Variants in TMEM123 observed in about 807,000 individuals in gnomAD.
TMEM123 encodes the protein porimin.
In TMEM123, 16 loss-of-function variants were observed where a neutral mutation model predicts 19.7. The observed-to-expected ratio is 0.81, with a 90% CI of 0.55 to 1.23. TMEM123 has a LOEUF of 1.23. TMEM123 is among the 50% of genes most tolerant of loss of function. The pLI is 0.00. For synonymous variants in TMEM123, 118 were observed against 99.4 expected (o/e 1.19, Z -1.12); for missense variants, 313 against 257.8 (o/e 1.21, Z -1.47).
intron 2 of TMEM123, among the ~76,000 whole-genome samples, chr11:102,422,750 ATTATGT>A (rs1474611865): frequency 2.0e-5 from 3 of 152,150 alleles, no homozygotes; most frequent in Admixed American, 2.0e-4. Flanking sequence ...TGCACTCAAT[ATTATGT>A]TTATGAATTT....
intron 2 of TMEM123, among the ~76,000 whole-genome samples, chr11:102,438,979 C>T (rs1857795297): frequency 6.6e-6 from 1 of 152,210 alleles, no homozygotes. Context: ...CCCACGAAGC[C>T]TTGCTCACTG....
intron 2 of TMEM123, among the ~76,000 whole-genome samples, chr11:102,421,144 A>ACCT (rs1342577966): frequency 1.3e-5 from 2 of 152,116 alleles, no homozygotes; most frequent in Admixed American, 1.3e-4. Flanking sequence ...TATTTTATAA[A>ACCT]CCTCCACTGG....
At chr11:102,407,823 C>T (rs1214516491) in intron 2 of TMEM123, among the ~76,000 whole-genome samples, 1 of 152,158 alleles carries the variant, frequency 6.6e-6, no homozygotes, top group African/African-American at 2.4e-5. Flanking sequence ...CTCCAGCCTC[C>T]CGAACTGTGA....
intron 2 of TMEM123, among the ~76,000 whole-genome samples, chr11:102,429,117 C>A (rs982059222): frequency 1.3e-5 from 2 of 152,062 alleles, no homozygotes; most frequent in African/African-American, 4.8e-5. Context: ...ATTTTGATGG[C>A]AGCCTCCTCA....
chr11:102,445,706 GGT>G (rs1832470473), intron 2 of TMEM123, among the ~76,000 whole-genome samples: 1 of 152,132 alleles, frequency 6.6e-6, no homozygotes, highest in Admixed American at 6.5e-5. Flanking sequence ...ATGCAAGCCA[GGT>G]CCAAGTGCTC....
At chr11:102,408,419 A>AAT (rs1185786682) in intron 2 of TMEM123, among the ~76,000 whole-genome samples, 1 of 152,230 alleles carries the variant, frequency 6.6e-6, no homozygotes, top group Admixed American at 6.5e-5. Flanking sequence ...CAAGCCTGGT[A>AAT]ATGTTACCTA....
intron 2 of TMEM123, among the ~76,000 whole-genome samples, chr11:102,440,466 G>A (rs1857813421): frequency 6.6e-6 from 1 of 152,116 alleles, no homozygotes; most frequent in Admixed American, 6.5e-5. Flanking sequence ...CATAAGTGAA[G>A]GAGAAATAAA....
chr11:102,452,283 C>A (rs1308296217), intron 1 of TMEM123: 1 of 387,324 alleles, frequency 2.6e-6, no homozygotes, highest in Non-Finnish European at 4.6e-6. Flanking sequence ...CCTGCGACCG[C>A]CGCATCCAAA....
intron 2 of TMEM123, among the ~76,000 whole-genome samples, chr11:102,433,855 C>T (rs557059423): frequency 6.6e-6 from 1 of 151,756 alleles, no homozygotes; most frequent in Non-Finnish European, 1.5e-5. Flanking sequence ...CCTGCTGGCA[C>T]TCATTCTCTC....
intron 2 of TMEM123, among the ~76,000 whole-genome samples, chr11:102,404,087 T>C (rs765117961): frequency 2.2e-4 from 34 of 152,190 alleles, no homozygotes; most frequent in Non-Finnish European, 3.8e-4. Flanking sequence ...CATTTTATTA[T>C]ATATGTCCAC....
chr11:102,438,263 G>A (rs1215894859), intron 2 of TMEM123, among the ~76,000 whole-genome samples: 1 of 152,082 alleles, frequency 6.6e-6, no homozygotes, highest in Non-Finnish European at 1.5e-5. Context: ...ATGTTGGCCA[G>A]GTGGTCTCGC....
chr11:102,405,851 C>T (rs1326002036), intron 2 of TMEM123, among the ~76,000 whole-genome samples: 1 of 152,140 alleles, frequency 6.6e-6, no homozygotes, highest in African/African-American at 2.4e-5. Context: ...ATTTCTTTGT[C>T]GATTTCTATG....
At chr11:102,410,675 G>T (rs1951997083) in intron 2 of TMEM123, among the ~76,000 whole-genome samples, 1 of 152,064 alleles carries the variant, frequency 6.6e-6, no homozygotes, top group South Asian at 2.1e-4. Flanking sequence ...CCCCTGTTAG[G>T]CTGACAGCTT....
chr11:102,449,786 A>G (rs1857920281), intron 1 of TMEM123, among the ~76,000 whole-genome samples: 1 of 152,244 alleles, frequency 6.6e-6, no homozygotes, highest in Non-Finnish European at 1.5e-5. Context: ...GCTTACCACA[A>G]GCCAGGGTTA....
At chr11:102,407,088 C>T (rs1367482962) in intron 2 of TMEM123, among the ~76,000 whole-genome samples, 1 of 152,100 alleles carries the variant, frequency 6.6e-6, no homozygotes. Flanking sequence ...ATGAAAACAT[C>T]CCAGCCATCA....
At chr11:102,447,789 C>T (rs1591569198) in intron 2 of TMEM123, among the ~76,000 whole-genome samples, 1 of 152,224 alleles carries the variant, frequency 6.6e-6, no homozygotes, top group South Asian at 2.1e-4. Context: ...TATGTCCTGA[C>T]TACGTACCAC....
At chr11:102,424,114 C>T (rs1952106994) in intron 2 of TMEM123, among the ~76,000 whole-genome samples, 1 of 152,052 alleles carries the variant, frequency 6.6e-6, no homozygotes, top group South Asian at 2.1e-4. Flanking sequence ...TAGAGGGAGG[C>T]ATAATGCCAA....
At chr11:102,413,525 C>T (rs1029264485) in intron 2 of TMEM123, among the ~76,000 whole-genome samples, 1 of 152,138 alleles carries the variant, frequency 6.6e-6, no homozygotes, top group South Asian at 2.1e-4. Context: ...TAAGTCCCTC[C>T]AGCACGGCAG....
intron 2 of TMEM123, among the ~76,000 whole-genome samples, chr11:102,418,829 T>C (rs1952061381): frequency 1.3e-5 from 2 of 152,156 alleles, no homozygotes; most frequent in South Asian, 4.1e-4. Flanking sequence ...TACACAGCCA[T>C]AAAAAGGAAT....
Sources: gnomAD v4.1 joint callset for allele counts (sites outside exome capture counted in the v4.1 genomes callset) on GRCh38, gnomAD v4.1.1 for gene constraint, MANE v1.5 for transcripts, NCBI Gene and HGNC (gene_info 2026-07-23, HGNC 2026-07-21) for gene names.